The following ERC2 variants were observed in gnomAD, a reference collection of about 807,000 sequenced individuals.
The protein encoded by ERC2 is ERC protein 2.
Under a neutral mutation model 114.8 loss-of-function variants are expected in ERC2, and 42 were observed. The observed-to-expected ratio is 0.37, with a 90% CI of 0.29 to 0.47. The LOEUF (loss-of-function observed/expected upper bound fraction) is 0.47, where lower values mean the gene tolerates loss of function less well. ERC2 is among the 20% of genes least tolerant of loss of function. The pLI is 0.99. For synonymous variants in ERC2, 454 were observed against 425.5 expected, an observed-to-expected ratio of 1.07 and a Z score of -0.82; for missense variants, 939 against 1,150.7, an observed-to-expected ratio of 0.82 and a Z score of 2.66.
intron 14 of ERC2, among the ~76,000 whole-genome samples, chr3:55,799,463 A>ATATGCCT (rs2070861694): frequency 1.1e-5 from 1 of 94,042 alleles, no homozygotes; most frequent in African/African-American, 4.4e-5. Flanking sequence ...ATATATATAT[A>ATATGCCT]TATATATATA....
At chr3:55,946,646 G>T (rs1035539442) in intron 13 of ERC2, among the ~76,000 whole-genome samples, 1 of 152,040 alleles carries the variant, frequency 6.6e-6, no homozygotes, top group Non-Finnish European at 1.5e-5. Context: ...GATGAAAAAA[G>T]TAAGGGTCAG....
At chr3:55,910,550 C>G (rs573126240) in intron 13 of ERC2, among the ~76,000 whole-genome samples, 2 of 152,244 alleles carry the variant, frequency 1.3e-5, no homozygotes, top group East Asian at 1.9e-4. Flanking sequence ...AGGGGTTTCC[C>G]TAAGAGTCAA....
Position 55,835,501 on chromosome 3 carries a change from C to T in ERC2, c.2564+52888G>A, listed in dbSNP as rs1291695100. Among the ~76,000 whole-genome samples, 3 of 152,126 alleles carry T rather than the reference C, an allele frequency of 2.0e-5. No homozygotes were observed. In the East Asian group the frequency reaches 5.8e-4, roughly 29 times the overall value. The stretch of plus-strand genomic sequence containing the variant: ...ATATAAACAGAACCAAAGACAAAAA[C>T]CACATGATTATCTCAATAGATGCAG... On this transcript the variant is annotated intron_variant, in intron 14 of 17. Transcript: ENST00000288221.
chr3:56,300,280 C>CAAAAA (rs200816892), intron 2 of ERC2, among the ~76,000 whole-genome samples: 1 of 93,218 alleles, frequency 1.1e-5, no homozygotes, highest in Admixed American at 1.0e-4. Flanking sequence ...TCATGAAATA[C>CAAAAA]AAAAAAAAAA....
rs145502305 is a variant in ERC2 at position 56,416,779 on chromosome 3, T to C, written c.657+17572A>G. 3.2e-3 allele frequency among the ~76,000 whole-genome samples: 489 copies of C among 151,450 alleles called. 3 individuals are homozygous for C. Among genetic ancestry groups the C allele is most frequent in the African/African-American group, 0.011 (448 of 41,362 alleles). On this transcript the variant is annotated intron_variant, in intron 2 of 17. Coordinates refer to ENST00000288221, the MANE Select transcript of ERC2 (RefSeq NM_015576.3). Reference sequence around the variant, plus strand: ...TACACCCACAAGAATGAAAGCTCCATACAGGCAGGAAGTTTTTTTCTATTA... The same window carrying C: ...TACACCCACAAGAATGAAAGCTCCACACAGGCAGGAAGTTTTTTTCTATTA...
Position 55,509,281 on chromosome 3 carries a change from A to T in ERC2, c.*2035T>A, listed in dbSNP as rs2051939161. 1 of 152,122 alleles carries T rather than the reference A, an allele frequency of 6.6e-6. No individual in the cohort carries two copies. Among genetic ancestry groups the T allele is most frequent in the South Asian group, 2.1e-4 (1 of 4,804 alleles). 9.4% of individuals were successfully genotyped at this position (152,122 alleles called of 1,614,324 possible). On this transcript the variant is annotated 3_prime_UTR_variant, in exon 18 of 18. Transcript: ENST00000288221. ...CCCTATTTTCCCTACTGGATTTCCT[A>T]CTTCCTACTTCAAGTATTCAGTTGC...
At chr3:55,849,273 G>A (rs931490141) in intron 14 of ERC2, among the ~76,000 whole-genome samples, 1 of 152,066 alleles carries the variant, frequency 6.6e-6, no homozygotes, top group African/African-American at 2.4e-5. Flanking sequence ...ATATGGAGCT[G>A]GACTGATCTG....
At position 56,434,965 on chromosome 3, in the gene ERC2, G is replaced by A. The variant is rs1473102550; in HGVS notation, c.43C>T (p.Pro15Ser). The change falls in exon 2 of 18, where the codon CCT becomes TCT. Residue 15 changes from proline to serine, a missense_variant. Pro to Ser is a moderately conservative substitution (Grantham distance 74). Transcript: ENST00000288221. Reference protein sequence around the residue: ...ARTITNLEGSPSRSPRLPRSP... With the variant: ...ARTITNLEGSSSRSPRLPRSP... ...CTTGGCAAACGAGGGGATCTGGAAG[G>A]GCTACCTTCCAGATTGGTGATTGTT... 2 of 1,612,928 alleles carry A rather than the reference G, an allele frequency of 1.2e-6. No homozygotes were observed. The highest frequency in any genetic ancestry group is 1.7e-5 in the Admixed American group (1 of 59,980).
intron 12 of ERC2, chr3:55,955,100 C>A: frequency 2.0e-6 from 1 of 503,372 alleles, no homozygotes; most frequent in Non-Finnish European, 4.0e-6. Context: ...AATAGGAATG[C>A]CTATTTGGAT....
intron 17 of ERC2, among the ~76,000 whole-genome samples, chr3:55,683,092 A>G (rs1052885668): frequency 6.6e-6 from 1 of 152,238 alleles, no homozygotes; most frequent in African/African-American, 2.4e-5. Flanking sequence ...GATAAATACA[A>G]TGTGTATAAT....
intron 13 of ERC2, among the ~76,000 whole-genome samples, chr3:55,925,972 C>T (rs191921943): frequency 5.5e-4 from 84 of 152,250 alleles, no homozygotes; most frequent in African/African-American, 1.9e-3. Flanking sequence ...TTTCATTAGA[C>T]ACAGCACTTT....
At chr3:56,259,643 AGATTTGATATGATATGATAT>A (rs1430424389) in intron 3 of ERC2, among the ~76,000 whole-genome samples, 1 of 133,174 alleles carries the variant, frequency 7.5e-6, no homozygotes, top group South Asian at 2.5e-4. Context: ...ATTCTGGTAC[AGATTTGATATGATATGATAT>A]GATATGATAT....
chr3:55,766,579 C>A (rs1302538846), intron 14 of ERC2: 3 of 151,956 alleles, frequency 2.0e-5, no homozygotes, highest in Admixed American at 6.6e-5. Flanking sequence ...CCGGAGCTCA[C>A]CCCTAAAATA....
chr3:56,087,706 G>T (rs1488099175), intron 6 of ERC2, among the ~76,000 whole-genome samples: 1 of 151,988 alleles, frequency 6.6e-6, no homozygotes, highest in Non-Finnish European at 1.5e-5. Flanking sequence ...CTATCACAAA[G>T]AAAAACTTTA....
chr3:55,635,887 G>T (rs13079256), intron 17 of ERC2, among the ~76,000 whole-genome samples: 1 of 134,464 alleles, frequency 7.4e-6, no homozygotes, highest in African/African-American at 2.6e-5. Flanking sequence ...ATTTTATTTT[G>T]TTTTATTTTT....
At chr3:55,743,236 A>G (rs548276329) in intron 14 of ERC2, among the ~76,000 whole-genome samples, 1 of 146,102 alleles carries the variant, frequency 6.8e-6, no homozygotes, top group African/African-American at 2.6e-5. Context: ...TCAGTGCATG[A>G]GCCAGGGAGG....
intron 2 of ERC2, among the ~76,000 whole-genome samples, chr3:56,388,387 A>G (rs2060010241): frequency 6.6e-6 from 1 of 152,128 alleles, no homozygotes; most frequent in Admixed American, 6.6e-5. Flanking sequence ...GCTATGTGAC[A>G]TGCTGGCTCC....
intron 13 of ERC2, among the ~76,000 whole-genome samples, chr3:55,928,623 A>C (rs947216892): frequency 2.6e-5 from 4 of 152,092 alleles, no homozygotes; most frequent in Admixed American, 2.6e-4. Context: ...ATGTAATCCC[A>C]CTTGTCCATT....
intron 3 of ERC2, among the ~76,000 whole-genome samples, chr3:56,197,027 C>T (rs1454343183): frequency 2.0e-5 from 3 of 152,240 alleles, no homozygotes; most frequent in Admixed American, 1.3e-4. Context: ...ATTAAAAAAA[C>T]ATAACTGGAA....
Sources: allele counts gnomAD v4.1 joint callset (sites outside exome capture counted in the v4.1 genomes callset), GRCh38; gene constraint gnomAD v4.1.1; transcripts MANE v1.5; gene names NCBI Gene and HGNC (gene_info 2026-07-23, HGNC 2026-07-21).